CNDP1: variants seen among roughly 807,000 people sequenced by gnomAD.
CNDP1 encodes beta-Ala-His dipeptidase.
Under a neutral mutation model 58.1 loss-of-function variants are expected in CNDP1, and 44 were observed. That is an observed-to-expected ratio of 0.76 (90% CI 0.60 to 0.97). The LOEUF is 0.97. Ranked by LOEUF, CNDP1 falls within the 50% of genes least tolerant of loss-of-function variation. The probability of loss-of-function intolerance (pLI) is 0.00; values close to 1 mark genes in which losing one functional copy is unlikely to be tolerated. For synonymous variants in CNDP1, 254 were observed against 252.6 expected, an observed-to-expected ratio of 1.01 and a Z score of -0.05; for missense variants, 616 against 655.1, an observed-to-expected ratio of 0.94 and a Z score of 0.65.
At chr18:74,542,753 T>C (rs1364671853) in intron 1 of CNDP1, among the ~76,000 whole-genome samples, 1 of 152,176 alleles carries the variant, frequency 6.6e-6, no homozygotes, top group African/African-American at 2.4e-5. Flanking sequence ...AGGCTGGTCT[T>C]GAACTCCTGG....
At chr18:74,557,967 GCCTTTCAGCC>G (rs1568295160) in intron 2 of CNDP1, among the ~76,000 whole-genome samples, 1 of 152,132 alleles carries the variant, frequency 6.6e-6, no homozygotes, top group Non-Finnish European at 1.5e-5. Flanking sequence ...CCTGGTTTAG[GCCTTTCAGCC>G]AAAACATCTC....
chr18:74,567,240 C>T lies in CNDP1; in HGVS notation c.563C>T (p.Pro188Leu). 6.2e-7 allele frequency: 1 copy of T among 1,613,900 alleles called. No homozygotes were observed. Among genetic ancestry groups the T allele is most frequent in the African/African-American group, 1.3e-5 (1 of 75,032 alleles). The change falls in exon 6 of 12, where the codon CCT becomes CTT. Residue 188 changes from proline to leucine, a missense_variant. By Grantham distance (98) the Pro-to-Leu change is moderately conservative. Coordinates refer to ENST00000358821, the MANE Select transcript of CNDP1 (RefSeq NM_032649.6). ...TCTTCTGTTGTTACTTAGGATCTTC[C>T]TGTGAATATCAAATTCATCATTGAG... ...SAFRALEQDL[P>L]VNIKFIIEGM... is the part of the protein sequence containing the mutation.
chr18:74,551,379 C>CACAA (rs1980903731), intron 1 of CNDP1, among the ~76,000 whole-genome samples: 1 of 151,718 alleles, frequency 6.6e-6, no homozygotes, highest in Admixed American at 6.6e-5. Flanking sequence ...CACACACACA[C>CACAA]ACACACACAC....
intron 4 of CNDP1, 96 bp from the exon 5 acceptor site, chr18:74,561,951 A>C: frequency 1.1e-6 from 1 of 934,932 alleles, no homozygotes; most frequent in East Asian, 2.5e-5. Context: ...TATAGAAAGC[A>C]CTGTTAACAT....
intron 1 of CNDP1, among the ~76,000 whole-genome samples, chr18:74,539,349 C>G (rs1599083754): frequency 6.6e-6 from 1 of 152,300 alleles, no homozygotes; most frequent in East Asian, 1.9e-4. Flanking sequence ...AATTTTCCGC[C>G]ATCCACTTCT....
chr18:74,549,797 A>T (rs1980854928), intron 1 of CNDP1, among the ~76,000 whole-genome samples: 1 of 152,230 alleles, frequency 6.6e-6, no homozygotes, highest in Admixed American at 6.5e-5. Context: ...TCCATGGGCC[A>T]GACCTGGGAC....
At position 74,560,868 on chromosome 18, in the gene CNDP1, CAG is replaced by C. The variant is rs1291299788; in HGVS notation, c.319_320del (p.Leu108SerfsTer31). 7 of 1,613,314 alleles carry C rather than the reference CAG, an allele frequency of 4.3e-6. No homozygotes were observed. Among genetic ancestry groups the C allele is most frequent in the Non-Finnish European group, 5.9e-6 (7 of 1,179,388 alleles). ...DMGPQQLPDG[Q>X]SLPIPPVILA... ...GATCATTCTGCAGCTGCCCGATGGT[CAG>C]AGTCTTCCAATACCTCCCGTCATCC... On this transcript the variant is annotated frameshift_variant, in exon 4 of 12. Coordinates refer to ENST00000358821, the MANE Select transcript of CNDP1 (RefSeq NM_032649.6). LOFTEE classifies it high-confidence loss of function.
intron 2 of CNDP1, among the ~76,000 whole-genome samples, chr18:74,558,652 C>T (rs1981106134): frequency 6.6e-6 from 1 of 152,028 alleles, no homozygotes; most frequent in Non-Finnish European, 1.5e-5. Context: ...CCTGTGCCTC[C>T]CAAAGTGCTG....
chr18:74,565,634 C>A (rs1981308330), intron 5 of CNDP1, among the ~76,000 whole-genome samples: 2 of 152,226 alleles, frequency 1.3e-5, no homozygotes, highest in African/African-American at 2.4e-5. Context: ...CCAGGTTACA[C>A]TGATGCTAGA....
chr18:74,554,916 G>A (rs1294680144), intron 1 of CNDP1, among the ~76,000 whole-genome samples: 1 of 152,122 alleles, frequency 6.6e-6, no homozygotes, highest in Non-Finnish European at 1.5e-5. Flanking sequence ...TTTTCAAACA[G>A]CCTTGCAGAT....
intron 7 of CNDP1, among the ~76,000 whole-genome samples, chr18:74,574,344 T>C (rs987870490): frequency 6.6e-6 from 1 of 152,256 alleles, no homozygotes; most frequent in African/African-American, 2.4e-5. Context: ...CAGGAGCTGC[T>C]AAGAGGATAC....
rs924461754 is a variant in CNDP1, at chr18:74,578,861, T to G, written c.1167+534T>G. 3.3e-5 allele frequency among the ~76,000 whole-genome samples: 5 copies of G among 152,270 alleles called. No individual in the cohort carries two copies. The East Asian group carries it at 9.7e-4, about 29-fold the overall frequency. On this transcript the variant is annotated intron_variant, in intron 9 of 11. Coordinates refer to ENST00000358821, the MANE Select transcript of CNDP1 (RefSeq NM_032649.6). ...CTTCATGATGTCTGAAATTAACACT[T>G]TGGAAGCAGTCATTTTAAGGAAAAT...
chr18:74,551,714 G>A (rs940803304), intron 1 of CNDP1, among the ~76,000 whole-genome samples: 2 of 152,118 alleles, frequency 1.3e-5, no homozygotes, highest in Non-Finnish European at 2.9e-5. Flanking sequence ...GGAGATTCCT[G>A]CTGAATCTGA....
intron 5 of CNDP1, among the ~76,000 whole-genome samples, chr18:74,562,519 C>A (rs1018821713): frequency 6.6e-6 from 1 of 152,082 alleles, no homozygotes; most frequent in Admixed American, 6.6e-5. Flanking sequence ...CCTTCTTTTT[C>A]TTCTTATCAC....
intron 1 of CNDP1, among the ~76,000 whole-genome samples, chr18:74,543,145 C>T (rs369707827): frequency 1.4e-4 from 21 of 152,076 alleles, no homozygotes; most frequent in Non-Finnish European, 2.5e-4. Context: ...AGACTAACAC[C>T]CATATTAAAG....
At chr18:74,571,892 T>C (rs1981488580) in intron 7 of CNDP1, among the ~76,000 whole-genome samples, 1 of 152,132 alleles carries the variant, frequency 6.6e-6, no homozygotes, top group South Asian at 2.1e-4. Context: ...ACGACCTTGG[T>C]AAGTTACTTG....
chr18:74,536,241 A>G (rs1980483132), intron 1 of CNDP1, among the ~76,000 whole-genome samples: 1 of 152,146 alleles, frequency 6.6e-6, no homozygotes, highest in African/African-American at 2.4e-5. Context: ...TTAATCACCC[A>G]GGTATTAAGC....
At chr18:74,548,242 T>A (rs1980813010) in intron 1 of CNDP1, among the ~76,000 whole-genome samples, 1 of 152,076 alleles carries the variant, frequency 6.6e-6, no homozygotes, top group South Asian at 2.1e-4. Context: ...AATGTTGGAG[T>A]TGGGGCTTGG....
At chr18:74,579,218 C>CCCTTG (rs2144578148) in intron 9 of CNDP1, among the ~76,000 whole-genome samples, 1 of 140,194 alleles carries the variant, frequency 7.1e-6, no homozygotes, top group East Asian at 2.2e-4. Flanking sequence ...CCCTTCCCTT[C>CCCTTG]CCTTCCCTTC....
Sources: gnomAD v4.1 joint callset for allele counts (sites outside exome capture counted in the v4.1 genomes callset) on GRCh38, gnomAD v4.1.1 for gene constraint, MANE v1.5 for transcripts, NCBI Gene and HGNC (gene_info 2026-07-23, HGNC 2026-07-21) for gene names.